MTA3: variants seen among roughly 807,000 people sequenced by gnomAD.
MTA3 encodes the protein metastasis-associated protein MTA3.
Under a neutral mutation model 83.5 loss-of-function variants are expected in MTA3, and 34 were observed. That is an observed-to-expected ratio of 0.41 (90% CI 0.31 to 0.54). The LOEUF is 0.54. MTA3 is among the 20% of genes least tolerant of loss of function. MTA3 has a pLI of 0.33. For missense variants in MTA3, 761 were observed against 726.4 expected (o/e 1.05, Z -0.55); for synonymous variants, 303 against 252.7 (o/e 1.20, Z -1.89).
At position 42,753,826 on chromosome 2, in the gene MTA3, G is replaced by A. The variant is rs1351066620; in HGVS notation, c.*427G>A. On this transcript the variant is annotated 3_prime_UTR_variant, in exon 17 of 17. Coordinates refer to ENST00000405094, the MANE Select transcript of MTA3 (RefSeq NM_001330442.2). ...CTGTATAGTTACTAAATATGTACAG[G>A]AGGGCCATGGCATCTTTCTGAATGG... is the stretch of plus-strand genomic sequence containing the variant. 1 of 996,352 alleles carries A rather than the reference G, an allele frequency of 1.0e-6. No individual in the cohort carries two copies. The highest frequency in any genetic ancestry group is 1.2e-6 in the Non-Finnish European group (1 of 837,130). The allele number at this position is 996,352 out of a possible 1,614,324, so 61.7% of individuals were successfully genotyped here.
intron 3 of MTA3, among the ~76,000 whole-genome samples, chr2:42,597,158 C>T (rs926175982): frequency 1.3e-5 from 2 of 152,048 alleles, no homozygotes; most frequent in East Asian, 3.9e-4. Flanking sequence ...GCAATCCGCC[C>T]ACCTCGGCCT....
At chr2:42,632,198 T>C (rs1479224513) in intron 4 of MTA3, among the ~76,000 whole-genome samples, 1 of 150,508 alleles carries the variant, frequency 6.6e-6, no homozygotes, top group East Asian at 2.0e-4. Context: ...CACGCCATTC[T>C]CCTGCCTCAG....
Position 42,756,209 on chromosome 2 carries a change from C to T in MTA3, c.*2810C>T. On this transcript the variant is annotated 3_prime_UTR_variant, in exon 17 of 17. Coordinates refer to ENST00000405094, the MANE Select transcript of MTA3 (RefSeq NM_001330442.2). ...GCGTCACCAGAGCCTGGGGCCAAGG[C>T]CACTGGGGGACCTGCCACACTGTGG... 1 of 215,424 alleles carries T rather than the reference C, an allele frequency of 4.6e-6. No homozygotes were observed. Among genetic ancestry groups the T allele is most frequent in the Non-Finnish European group, 7.9e-6 (1 of 125,986 alleles). The allele number at this position is 215,424 out of a possible 1,614,324, so 13.3% of individuals were successfully genotyped here. A position where few individuals can be genotyped will look rare whatever the true frequency, so the allele number is the denominator to read the frequency against.
chr2:42,658,226 G>GC (rs1319625320), intron 7 of MTA3, among the ~76,000 whole-genome samples: 1 of 152,064 alleles, frequency 6.6e-6, no homozygotes, highest in Non-Finnish European at 1.5e-5. Flanking sequence ...CTCATATCCT[G>GC]CTGGTGAGTG....
intron 3 of MTA3, among the ~76,000 whole-genome samples, chr2:42,579,429 ATTT>A (rs1553348074): frequency 7.1e-6 from 1 of 140,172 alleles, no homozygotes; most frequent in African/African-American, 2.6e-5. Flanking sequence ...ATATATATAT[ATTT>A]TTTTTTTTTT....
intron 3 of MTA3, among the ~76,000 whole-genome samples, chr2:42,606,572 C>T (rs910647438): frequency 2.8e-5 from 4 of 144,048 alleles, no homozygotes; most frequent in Non-Finnish European, 6.1e-5. Flanking sequence ...GGCGGCCGGG[C>T]GGAGACGCTC....
chr2:42,534,723 C>T (rs1165934206), intron 2 of MTA3, among the ~76,000 whole-genome samples: 1 of 152,176 alleles, frequency 6.6e-6, no homozygotes, highest in Non-Finnish European at 1.5e-5. Context: ...AAACTTCTGT[C>T]TTGTTTATTC....
intron 2 of MTA3, among the ~76,000 whole-genome samples, chr2:42,538,235 AAAAT>A (rs1676344311): frequency 6.6e-6 from 1 of 152,096 alleles, no homozygotes. Context: ...TCTGTCTCGA[AAAAT>A]AAATAAATAA....
In MTA3 at chr2:42,579,185, G is replaced by A. The variant is rs1243699387; in HGVS notation, c.175G>A (p.Ala59Thr). 6.3e-7 allele frequency: 1 copy of A among 1,594,312 alleles called. No homozygotes were observed. Among genetic ancestry groups the A allele is most frequent in the Non-Finnish European group, 8.5e-7 (1 of 1,171,402 alleles). The stretch of plus-strand genomic sequence containing the variant: ...TATTTCCAACACACTTATAATGCTC[G>A]CAGATAAGCATGCTAGTAAGTTGTT... Reference protein sequence around the residue: ...RDISNTLIMLADKHAKEIEEE... With the variant: ...RDISNTLIMLTDKHAKEIEEE... The change falls in exon 3 of 17, where the codon GCA (alanine) becomes ACA (threonine). Residue 59 changes from alanine (A) to threonine (T), a missense_variant. By Grantham distance (58) the Ala-to-Thr change is moderately conservative. Coordinates refer to ENST00000405094, the MANE Select transcript of MTA3 (RefSeq NM_001330442.2).
chr2:42,563,616 G>T (rs765394615), intron 2 of MTA3, among the ~76,000 whole-genome samples: 2 of 151,856 alleles, frequency 1.3e-5, no homozygotes, highest in Non-Finnish European at 2.9e-5. Context: ...ACAGGTGCCC[G>T]CCACCACACC....
intron 2 of MTA3, among the ~76,000 whole-genome samples, chr2:42,506,388 A>G (rs2103655791): frequency 6.6e-6 from 1 of 152,056 alleles, no homozygotes; most frequent in East Asian, 1.9e-4. Context: ...CAGGAGGTCA[A>G]GGCTGCAGTG....
At chr2:42,690,736 G>T (rs569615555) in intron 9 of MTA3, among the ~76,000 whole-genome samples, 1 of 147,838 alleles carries the variant, frequency 6.8e-6, no homozygotes, top group Admixed American at 6.8e-5. Context: ...GTGCAGTGGC[G>T]CAATCTTGGC....
intron 3 of MTA3, among the ~76,000 whole-genome samples, chr2:42,605,658 C>T (rs1432233252): frequency 1.1e-4 from 11 of 103,120 alleles, no homozygotes; most frequent in Admixed American, 1.8e-4. Context: ...GCTGGCCGGG[C>T]GGGGGGCTGA....
At chr2:42,587,352 A>G (rs1328815169) in intron 3 of MTA3, among the ~76,000 whole-genome samples, 1 of 152,188 alleles carries the variant, frequency 6.6e-6, no homozygotes, top group Non-Finnish European at 1.5e-5. Flanking sequence ...AACATTTAAA[A>G]GATACAAAAA....
intron 3 of MTA3, 104 bp downstream of exon 3, chr2:42,579,304 T>C: frequency 1.2e-6 from 1 of 814,970 alleles, no homozygotes; most frequent in Non-Finnish European, 1.9e-6. Context: ...CTTGTCCATT[T>C]ATCTTCTTTG....
intron 16 of MTA3, among the ~76,000 whole-genome samples, chr2:42,724,237 A>T (rs541229211): frequency 4.8e-5 from 7 of 146,272 alleles, no homozygotes; most frequent in Non-Finnish European, 1.0e-4. Context: ...CTTTCTAGGC[A>T]TATAATATTG....
At position 42,576,185 on chromosome 2, in the gene MTA3, G is replaced by A. The variant is rs193266771; in HGVS notation, c.97-2922G>A. Among the ~76,000 whole-genome samples the A allele has an allele frequency of 7.2e-4, 110 of 152,208 alleles. 1 individual carries two copies. The highest frequency in any genetic ancestry group is 2.5e-3 in the African/African-American group (105 of 41,526). On this transcript the variant is annotated intron_variant, in intron 2 of 16. Coordinates refer to ENST00000405094, the MANE Select transcript of MTA3 (RefSeq NM_001330442.2). ...CATACAGGGTCCACATTCTAATGAGGGAGACACCCGGAAAGACAAGTTGAT... is the reference window on the plus strand; with the variant it reads ...CATACAGGGTCCACATTCTAATGAGAGAGACACCCGGAAAGACAAGTTGAT...
intron 7 of MTA3, among the ~76,000 whole-genome samples, chr2:42,659,334 A>G (rs1689459438): frequency 6.6e-6 from 1 of 152,214 alleles, no homozygotes; most frequent in South Asian, 2.1e-4. Context: ...GCTACAGTTA[A>G]TGATATATTG....
chr2:42,645,876 C>G (rs1410120007), intron 6 of MTA3, among the ~76,000 whole-genome samples: 2 of 152,230 alleles, frequency 1.3e-5, no homozygotes, highest in East Asian at 3.8e-4. Context: ...GGCTGCTACT[C>G]TGAACAACAG....
Sources: allele counts gnomAD v4.1 joint callset (sites outside exome capture counted in the v4.1 genomes callset), GRCh38; gene constraint gnomAD v4.1.1; transcripts MANE v1.5; gene names NCBI Gene and HGNC (gene_info 2026-07-23, HGNC 2026-07-21).